AGBL1: variants seen among roughly 807,000 people sequenced by gnomAD.
The protein encoded by AGBL1 is AGBL carboxypeptidase 1.
In AGBL1, 130 loss-of-function variants were observed where a neutral mutation model predicts 118.9. The observed-to-expected ratio is 1.09, with a 90% CI of 0.95 to 1.26. The LOEUF is 1.26. Among genes scored for constraint, AGBL1 ranks in the 50% most tolerant of loss-of-function variants. The probability of loss-of-function intolerance (pLI) is 0.00; values close to 1 mark genes in which losing one functional copy is unlikely to be tolerated. For synonymous variants in AGBL1, 555 were observed against 478.9 expected (o/e 1.16, Z -2.08); for missense variants, 1,584 against 1,298.1 (o/e 1.22, Z -3.38).
chr15:86,670,650 GTA>G lies in AGBL1; in HGVS notation c.2995-3610_2995-3609del, dbSNP rs67431863. Among the ~76,000 whole-genome samples the G allele has an allele frequency of 1.1e-4, 16 of 141,138 alleles. 1 individual carries two copies. Among genetic ancestry groups the G allele is most frequent in the Middle Eastern group, 3.8e-3 (1 of 262 alleles). The allele number at this position is 141,138 out of a possible 152,430, so 92.6% of individuals were successfully genotyped here. A position where few individuals can be genotyped will look rare whatever the true frequency, so the allele number is the denominator to read the frequency against. ...ACAAACACGCTGTGTGTGTGTGTGT[GTA>G]TATATATATATAGCAAACTTATATA... On this transcript the variant is annotated intron_variant, in intron 21 of 22. Transcript: ENST00000614907.
At chr15:86,537,260 G>C (rs987834905) in intron 19 of AGBL1, among the ~76,000 whole-genome samples, 2 of 152,190 alleles carry the variant, frequency 1.3e-5, no homozygotes, top group Non-Finnish European at 2.9e-5. Flanking sequence ...CCACATTATG[G>C]TGAAGACAGA....
At chr15:86,485,333 A>C (rs1270027049) in intron 18 of AGBL1, among the ~76,000 whole-genome samples, 2 of 152,192 alleles carry the variant, frequency 1.3e-5, no homozygotes, top group South Asian at 2.1e-4. Flanking sequence ...AAAGACTTTA[A>C]GAGCCAATAC....
At chr15:86,197,759 T>G (rs1458098273) in intron 5 of AGBL1, among the ~76,000 whole-genome samples, 1 of 151,716 alleles carries the variant, frequency 6.6e-6, no homozygotes, top group Non-Finnish European at 1.5e-5. Context: ...AAAGAGATAA[T>G]GAGATTATAT....
At chr15:86,188,563 G>A (rs1394361844) in intron 5 of AGBL1, among the ~76,000 whole-genome samples, 1 of 152,192 alleles carries the variant, frequency 6.6e-6, no homozygotes, top group Non-Finnish European at 1.5e-5. Flanking sequence ...CCTGCTAAAT[G>A]TCCTGCACAT....
chr15:86,673,205 T>C (rs534290938), intron 21 of AGBL1, among the ~76,000 whole-genome samples: 1 of 152,322 alleles, frequency 6.6e-6, no homozygotes, highest in South Asian at 2.1e-4. Context: ...TAAATTGAGC[T>C]AATTTTGATC....
intron 12 of AGBL1, among the ~76,000 whole-genome samples, 175 bp from the exon 13 acceptor site, chr15:86,266,815 C>T (rs192047286): frequency 5.3e-5 from 8 of 152,234 alleles, no homozygotes; most frequent in Non-Finnish European, 5.9e-5. Flanking sequence ...GCAGGAGAAG[C>T]GCTTGAACCT....
At chr15:86,821,241 G>A (rs1475740661) in intron 22 of AGBL1, among the ~76,000 whole-genome samples, 5 of 152,070 alleles carry the variant, frequency 3.3e-5, no homozygotes, top group African/African-American at 4.8e-5. Context: ...ACGGGTTGAT[G>A]AGTGCAGCAA....
At chr15:86,341,749 G>A (rs1024108360) in intron 17 of AGBL1, among the ~76,000 whole-genome samples, 5 of 152,202 alleles carry the variant, frequency 3.3e-5, no homozygotes, top group African/African-American at 1.2e-4. Context: ...ACTCAGGAGG[G>A]CCCCGAACCT....
intron 20 of AGBL1, among the ~76,000 whole-genome samples, chr15:86,549,858 G>T (rs1420170976): frequency 6.8e-6 from 1 of 147,206 alleles, no homozygotes; most frequent in East Asian, 2.0e-4. Context: ...CAGGAGAGGA[G>T]GGGAGGGGAA....
chr15:86,352,502 A>T (rs2080643481), intron 17 of AGBL1, among the ~76,000 whole-genome samples: 1 of 147,230 alleles, frequency 6.8e-6, no homozygotes, highest in African/African-American at 2.5e-5. Context: ...TTTGGAATGG[A>T]GTCTTGGTCT....
intron 22 of AGBL1, among the ~76,000 whole-genome samples, chr15:86,705,449 A>C (rs2086433219): frequency 6.6e-6 from 1 of 152,118 alleles, no homozygotes; most frequent in Non-Finnish European, 1.5e-5. Flanking sequence ...AAACTCATAG[A>C]GTTATGGTGA....
chr15:86,887,360 C>A (rs1481888260), intron 22 of AGBL1, among the ~76,000 whole-genome samples: 1 of 152,162 alleles, frequency 6.6e-6, no homozygotes, highest in African/African-American at 2.4e-5. Context: ...GGATAAGCAT[C>A]TCTTTCATTA....
chr15:86,452,396 T>C (rs2082205271), intron 18 of AGBL1, among the ~76,000 whole-genome samples: 1 of 152,216 alleles, frequency 6.6e-6, no homozygotes, highest in Non-Finnish European at 1.5e-5. Flanking sequence ...CTCTGATTTG[T>C]AGCCTCATGA....
At chr15:86,106,141 C>G (rs1897038947) in intron 1 of AGBL1, among the ~76,000 whole-genome samples, 1 of 152,144 alleles carries the variant, frequency 6.6e-6, no homozygotes, top group South Asian at 2.1e-4. Flanking sequence ...ATGATATAAC[C>G]TAGTATGCTG....
chr15:86,840,044 T>G (rs1009868834), intron 22 of AGBL1, among the ~76,000 whole-genome samples: 1 of 152,202 alleles, frequency 6.6e-6, no homozygotes. Context: ...TGGAGCATCA[T>G]ATTTTTATTG....
intron 22 of AGBL1, among the ~76,000 whole-genome samples, chr15:86,739,059 T>C (rs542495229): frequency 5.8e-4 from 88 of 152,254 alleles, no homozygotes; most frequent in African/African-American, 1.9e-3. Context: ...GGCAGGAGAA[T>C]TGCTTGAGCC....
intron 17 of AGBL1, among the ~76,000 whole-genome samples, chr15:86,322,219 G>A (rs2080114930): frequency 6.6e-6 from 1 of 151,252 alleles, no homozygotes; most frequent in Non-Finnish European, 1.5e-5. Context: ...TTCTTTTTTT[G>A]ACTGCTTAAT....
intron 18 of AGBL1, among the ~76,000 whole-genome samples, chr15:86,515,070 C>T (rs1449592127): frequency 1.3e-5 from 2 of 152,148 alleles, no homozygotes; most frequent in Non-Finnish European, 2.9e-5. Context: ...TTGTATCCTG[C>T]TACTTTACTG....
At chr15:86,279,883 G>C in intron 16 of AGBL1, 100 bp downstream of exon 16, 1 of 1,455,448 alleles carries the variant, frequency 6.9e-7, no homozygotes, top group Non-Finnish European at 9.5e-7. Context: ...ATGGGGTGCA[G>C]AGGGGAATGT....
Sources: allele counts gnomAD v4.1 joint callset (sites outside exome capture counted in the v4.1 genomes callset), GRCh38; gene constraint gnomAD v4.1.1; transcripts MANE v1.5; gene names NCBI Gene and HGNC (gene_info 2026-07-23, HGNC 2026-07-21).